Variants in DNAAF1 observed in about 807,000 individuals in gnomAD.
DNAAF1 encodes the protein dynein assembly factor 1, axonemal.
A neutral mutation model predicts 71.1 loss-of-function variants in DNAAF1; 65 were observed. The observed-to-expected ratio is 0.91, with a 90% CI of 0.75 to 1.12. The LOEUF is 1.12. Among genes scored for constraint, DNAAF1 ranks in the 50% most tolerant of loss-of-function variants. DNAAF1 has a pLI of 0.00. For synonymous variants in DNAAF1, 414 were observed against 354.6 expected, an observed-to-expected ratio of 1.17 and a Z score of -1.88; for missense variants, 1,178 against 899.8, an observed-to-expected ratio of 1.31 and a Z score of -3.96.
At chr16:84,152,166 T>C (rs9933910) in intron 3 of DNAAF1, among the ~76,000 whole-genome samples, 536 of 152,096 alleles carry the variant, frequency 3.5e-3, no homozygotes, top group African/African-American at 0.012. Flanking sequence ...GCAGTGATGG[T>C]GGGATCCAGG....
chr16:84,170,393 C>G lies in DNAAF1; in HGVS notation c.1528+37C>G, dbSNP rs185009326. The stretch of plus-strand genomic sequence containing the variant: ...GGAGAAACACACACAGACACACACA[C>G]CTCTCAGGGAGCCCCAGCCTTCGAC... On this transcript the variant is annotated intron_variant, in intron 8 of 11. Coordinates refer to ENST00000378553, the MANE Select transcript of DNAAF1 (RefSeq NM_178452.6). The G allele has an allele frequency of 1.2e-5, 20 of 1,613,028 alleles. No individual in the cohort carries two copies. The Admixed American group carries it at 3.2e-4, about 26-fold the overall frequency.
At chr16:84,173,803 G>C (rs1337080302) in intron 9 of DNAAF1, 4 of 153,042 alleles carry the variant, frequency 2.6e-5, no homozygotes, top group African/African-American at 9.6e-5. Context: ...GTTGCAGTGA[G>C]CCAAGATCTC....
chr16:84,169,778 C>A (rs1459325809), intron 7 of DNAAF1, 81 bp from the exon 8 acceptor site: 3 of 1,583,404 alleles, frequency 1.9e-6, no homozygotes, highest in Non-Finnish European at 1.7e-6. Flanking sequence ...CAGAAGTTTG[C>A]TGTGAGCCCT....
At position 84,145,320 on chromosome 16, in the gene DNAAF1, G is replaced by T. The variant is rs1037729476; in HGVS notation, c.-121G>T. ...GAAGCGTTGGGCTGTAAAGACTAGG[G>T]CGCCAGCGGCTGGCGAAGAAGGAAA... On this transcript the variant is annotated 5_prime_UTR_variant, in exon 1 of 12. Coordinates refer to ENST00000378553, the MANE Select transcript of DNAAF1 (RefSeq NM_178452.6). 6 of 1,484,312 alleles carry T rather than the reference G, an allele frequency of 4.0e-6. No individual in the cohort carries two copies. The highest frequency in any genetic ancestry group is 1.2e-5 in the South Asian group (1 of 82,412). The allele number at this position is 1,484,312 out of a possible 1,614,324, so 91.9% of individuals were successfully genotyped here. A position where few individuals can be genotyped will look rare whatever the true frequency, so the allele number is the denominator to read the frequency against.
intron 6 of DNAAF1, among the ~76,000 whole-genome samples, chr16:84,160,611 A>G (rs778267197): frequency 8.5e-5 from 13 of 152,302 alleles, no homozygotes; most frequent in African/African-American, 2.9e-4. Context: ...ACTAACAAAT[A>G]TTTCAAATAG....
At chr16:84,159,647 C>A (rs1185530449) in intron 5 of DNAAF1, 28 bp from the exon 6 acceptor site, 1 of 1,594,716 alleles carries the variant, frequency 6.3e-7, no homozygotes, top group Non-Finnish European at 8.6e-7. Context: ...TTTCAGTAAT[C>A]ATTTTGGTTC....
chr16:84,177,564 G>T (rs1173263064), intron 11 of DNAAF1, 165 bp from the exon 12 acceptor site: 1 of 657,688 alleles, frequency 1.5e-6, no homozygotes. Flanking sequence ...CCTGACCTCA[G>T]GTGATCTGTT....
intron 1 of DNAAF1, among the ~76,000 whole-genome samples, chr16:84,146,876 A>G (rs1597391679): frequency 6.6e-6 from 1 of 152,242 alleles, no homozygotes; most frequent in East Asian, 1.9e-4. Flanking sequence ...GAACGCAGGC[A>G]ACAAATAAAC....
chr16:84,151,299 G>A (rs2087169546), intron 3 of DNAAF1, among the ~76,000 whole-genome samples: 1 of 152,174 alleles, frequency 6.6e-6, no homozygotes, highest in Non-Finnish European at 1.5e-5. Context: ...CCTGGGGGAT[G>A]GGAGCAGCTA....
At chr16:84,147,853 G>A (rs1187672739) in intron 1 of DNAAF1, among the ~76,000 whole-genome samples, 2 of 152,062 alleles carry the variant, frequency 1.3e-5, no homozygotes, top group Non-Finnish European at 2.9e-5. Flanking sequence ...GTCACCTGAG[G>A]TCAGGAGTTT....
chr16:84,149,674 G>A (rs1262539253), intron 2 of DNAAF1, among the ~76,000 whole-genome samples: 1 of 131,270 alleles, frequency 7.6e-6, no homozygotes, highest in Admixed American at 8.8e-5. Flanking sequence ...CCGGGCGGCA[G>A]AGTGAGACTC....
At chr16:84,148,917 A>G (rs1440556993) in intron 1 of DNAAF1, 90 bp from the exon 2 acceptor site, 1 of 1,454,548 alleles carries the variant, frequency 6.9e-7, no homozygotes, top group Non-Finnish European at 9.6e-7. Flanking sequence ...TTCTATACTA[A>G]AAGTGGATGG....
intron 5 of DNAAF1, 87 bp from the exon 6 acceptor site, chr16:84,159,588 G>A: frequency 6.6e-7 from 1 of 1,515,856 alleles, no homozygotes; most frequent in South Asian, 1.2e-5. Flanking sequence ...AATAGATTTT[G>A]TTCATTTATT....
At chr16:84,165,269 G>T (rs1204923484) in intron 6 of DNAAF1, among the ~76,000 whole-genome samples, 1 of 151,966 alleles carries the variant, frequency 6.6e-6, no homozygotes, top group East Asian at 1.9e-4. Flanking sequence ...AATGAGTTGT[G>T]AGGCTTATTT....
chr16:84,169,103 TTTAG>T (rs1381114106), intron 7 of DNAAF1, among the ~76,000 whole-genome samples: 1 of 144,792 alleles, frequency 6.9e-6, no homozygotes, highest in Non-Finnish European at 1.5e-5. Flanking sequence ...TTTTTTTTTT[TTTAG>T]AGAGTCTCAC....
chr16:84,152,616 C>T (rs1212257417), intron 3 of DNAAF1, among the ~76,000 whole-genome samples: 1 of 147,172 alleles, frequency 6.8e-6, no homozygotes, highest in Admixed American at 6.9e-5. Flanking sequence ...CTACCGCGCT[C>T]CAGCCTAGGC....
At chr16:84,171,439 GAGA>G (rs1278903441) in intron 8 of DNAAF1, among the ~76,000 whole-genome samples, 3 of 152,174 alleles carry the variant, frequency 2.0e-5, no homozygotes, top group African/African-American at 7.2e-5. Context: ...GTGACAGAGT[GAGA>G]CCCTGTATCA....
At chr16:84,173,753 A>C (rs954945582) in intron 9 of DNAAF1, 1 of 157,680 alleles carries the variant, frequency 6.3e-6, no homozygotes, top group Non-Finnish European at 1.4e-5. Context: ...GCTACTCGGG[A>C]GGCTGAGGCA....
intron 3 of DNAAF1, among the ~76,000 whole-genome samples, chr16:84,152,956 GA>G (rs112416069): frequency 1.2e-3 from 158 of 131,884 alleles, no homozygotes; most frequent in Middle Eastern, 7.7e-3. Flanking sequence ...GACTCCATCT[GA>G]AAAAAAAAAA....
Sources: allele counts gnomAD v4.1 joint callset (sites outside exome capture counted in the v4.1 genomes callset), GRCh38; gene constraint gnomAD v4.1.1; transcripts MANE v1.5; gene names NCBI Gene and HGNC (gene_info 2026-07-23, HGNC 2026-07-21).